The following PIWIL1 variants were observed in gnomAD, a reference collection of about 807,000 sequenced individuals.
PIWIL1 encodes piwi like RNA-mediated gene silencing 1.
In PIWIL1, 73 loss-of-function variants were observed where a neutral mutation model predicts 114.4. That is an observed-to-expected ratio of 0.64 (90% CI 0.53 to 0.78). The LOEUF is 0.78. Ranked by LOEUF, PIWIL1 falls within the 30% of genes least tolerant of loss-of-function variation. The pLI is 0.00. For missense variants in PIWIL1, 723 were observed against 1,063.1 expected (o/e 0.68, Z 4.45); for synonymous variants, 375 against 369.0 (o/e 1.02, Z -0.19).
the PIWIL1 span, among the ~76,000 whole-genome samples, chr12:130,394,626 A>C: frequency 1.8e-4 from 27 of 151,844 alleles, no homozygotes; most frequent in East Asian, 5.1e-3. Flanking sequence ...CACAGAAAAA[A>C]GTACCGTAGA....
At chr12:130,386,177 G>C in the PIWIL1 span, among the ~76,000 whole-genome samples, 1 of 152,006 alleles carries the variant, frequency 6.6e-6, no homozygotes. Flanking sequence ...TAGATTGTTT[G>C]TTTCTTTTTT....
rs187044546 is a variant in PIWIL1 at position 130,351,506 on chromosome 12, T to A, written c.1044+1539T>A. On this transcript the variant is annotated intron_variant, in intron 9 of 20. Transcript: ENST00000245255. ...GGATGACTCAAAGATACCTCTCCCA[T>A]GTTGCCAGTGTTGAATGTGTTCTGT... 53 of 152,318 alleles carry A rather than the reference T, an allele frequency of 3.5e-4. 1 individual carries two copies. The highest frequency in any genetic ancestry group is 1.1e-3 in the African/African-American group (47 of 41,574). The allele number at this position is 152,318 out of a possible 1,614,324, so 9.4% of individuals were successfully genotyped here. A position where few individuals can be genotyped will look rare whatever the true frequency, so the allele number is the denominator to read the frequency against.
the PIWIL1 span, chr12:130,398,893 G>A: frequency 3.6e-6 from 1 of 281,530 alleles, no homozygotes; most frequent in East Asian, 5.9e-5. Context: ...CAAATAGTAG[G>A]AAATGATTAT....
At chr12:130,424,538 G>T in the PIWIL1 span, 1 of 1,231,990 alleles carries the variant, frequency 8.1e-7, no homozygotes, top group Non-Finnish European at 1.0e-6. This position sits in a 1 kb window ranked among gnomAD's most constrained non-coding sequence, Gnocchi z 9.8. Context: ...GGGTGGCCGA[G>T]CGGCTGAACC....
the PIWIL1 span, among the ~76,000 whole-genome samples, chr12:130,378,720 C>T: frequency 2.6e-5 from 4 of 152,174 alleles, no homozygotes; most frequent in Non-Finnish European, 5.9e-5. Context: ...AGTAATGTTG[C>T]TGAGCATCTT....
downstream of PIWIL1, among the ~76,000 whole-genome samples, chr12:130,375,735 T>C (rs2073862017): frequency 6.6e-6 from 1 of 152,156 alleles, no homozygotes; most frequent in African/African-American, 2.4e-5. Flanking sequence ...CATTGACCCT[T>C]AACTACTGTT....
chr12:130,348,223 A>G, intron 7 of PIWIL1, 40 bp downstream of exon 7: 1 of 1,191,480 alleles, frequency 8.4e-7, no homozygotes, highest in African/African-American at 1.5e-5. Flanking sequence ...CTTAGGCTTA[A>G]TGACAGACTT....
At chr12:130,350,057 G>A (rs3736333) in intron 9 of PIWIL1, 90 bp downstream of exon 9, 98,333 of 698,124 alleles carry the variant, frequency 0.14, 7,581 homozygotes, top group South Asian at 0.21. Flanking sequence ...AACAAGTTGC[G>A]TTTAAAGCTG....
At chr12:130,424,322 G>A in the PIWIL1 span, 1 of 1,231,694 alleles carries the variant, frequency 8.1e-7, no homozygotes, top group Admixed American at 4.2e-5. The surrounding 1 kb of genome is among the most constrained non-coding windows in gnomAD (Gnocchi z 9.8). Flanking sequence ...CGTTCCTGAG[G>A]AGGCCACCAG....
the PIWIL1 span, chr12:130,414,167 A>G: frequency 6.2e-7 from 1 of 1,614,196 alleles, no homozygotes; most frequent in Non-Finnish European, 8.5e-7. Context: ...CCTCCTCTGC[A>G]GCATCTGGGT....
At chr12:130,397,649 A>AG in the PIWIL1 span, 184 of 396,994 alleles carry the variant, frequency 4.6e-4, no homozygotes, top group African/African-American at 2.9e-3. Context: ...AGGAAAGGTC[A>AG]GGGGGGTTCA....
At chr12:130,424,383 G>A in the PIWIL1 span, 2,643 of 1,232,614 alleles carry the variant, frequency 2.1e-3, 46 homozygotes, top group African/African-American at 0.035. The surrounding 1 kb of genome is among the most constrained non-coding windows in gnomAD (Gnocchi z 9.8). Context: ...CCGGGTCAGC[G>A]TCCGCCGCCG....
the PIWIL1 span, among the ~76,000 whole-genome samples, chr12:130,389,758 A>G: frequency 6.6e-6 from 1 of 152,086 alleles, no homozygotes; most frequent in African/African-American, 2.4e-5. Context: ...TCTACTCTTT[A>G]TCTCTTTTCT....
At chr12:130,346,614 T>C in intron 5 of PIWIL1, 30 bp downstream of exon 5, 2 of 1,550,946 alleles carry the variant, frequency 1.3e-6, no homozygotes, top group Non-Finnish European at 1.8e-6. Context: ...ATGGGGGATT[T>C]CCACTTCAAA....
At chr12:130,416,295 G>A in the PIWIL1 span, among the ~76,000 whole-genome samples, 6 of 152,246 alleles carry the variant, frequency 3.9e-5, no homozygotes, top group South Asian at 2.1e-4. Flanking sequence ...GAACAAATCC[G>A]GAGGCATCAC....
the PIWIL1 span, among the ~76,000 whole-genome samples, chr12:130,390,326 T>G: frequency 6.6e-6 from 1 of 152,184 alleles, no homozygotes; most frequent in Admixed American, 6.5e-5. Context: ...ACTGACTACC[T>G]TTGTCCAGAT....
At chr12:130,358,686 C>G (rs1409020574) in intron 14 of PIWIL1, among the ~76,000 whole-genome samples, 5 of 152,130 alleles carry the variant, frequency 3.3e-5, no homozygotes, top group Non-Finnish European at 5.9e-5. Flanking sequence ...AAAATTACCC[C>G]CCTTTTCTCA....
chr12:130,375,336 T>TCAA (rs770854828), downstream of PIWIL1, among the ~76,000 whole-genome samples: 3 of 152,256 alleles, frequency 2.0e-5, no homozygotes, highest in Non-Finnish European at 4.4e-5. Context: ...TTTAATGCTG[T>TCAA]CAATACATGT....
At chr12:130,406,271 G>C in the PIWIL1 span, 1 of 1,484,412 alleles carries the variant, frequency 6.7e-7, no homozygotes, top group Non-Finnish European at 9.3e-7. Context: ...AAAATTAATC[G>C]TATTTTTCTA....
Sources: allele counts gnomAD v4.1 joint callset (sites outside exome capture counted in the v4.1 genomes callset), GRCh38; gene constraint gnomAD v4.1.1; non-coding constraint Gnocchi (gnomAD v3.1); transcripts MANE v1.5; gene names NCBI Gene and HGNC (gene_info 2026-07-23, HGNC 2026-07-21).